The following CTNNA3 variants were observed in gnomAD, a reference collection of about 807,000 sequenced individuals.
CTNNA3 encodes the protein catenin alpha-3.
Under a neutral mutation model 95.7 loss-of-function variants are expected in CTNNA3, and 76 were observed. The ratio of observed to expected loss-of-function variants is 0.79; its 90% CI spans 0.66 to 0.96. The LOEUF (loss-of-function observed/expected upper bound fraction) is 0.96, where lower values mean the gene tolerates loss of function less well. CTNNA3 is among the 40% of genes least tolerant of loss of function. CTNNA3 has a pLI of 0.00. For synonymous variants in CTNNA3, 431 were observed against 374.4 expected (o/e 1.15, Z -1.74); for missense variants, 1,191 against 1,089.8 (o/e 1.09, Z -1.31).
intron 9 of CTNNA3, among the ~76,000 whole-genome samples, chr10:66,662,132 A>T (rs1164756055): frequency 6.6e-6 from 1 of 152,222 alleles, no homozygotes; most frequent in Non-Finnish European, 1.5e-5. Flanking sequence ...TAAAATTCAA[A>T]TCTAACAGAG....
chr10:67,324,023 G>A (rs1310348040), intron 5 of CTNNA3, among the ~76,000 whole-genome samples: 1 of 152,018 alleles, frequency 6.6e-6, no homozygotes, highest in Non-Finnish European at 1.5e-5. Flanking sequence ...CTTGATTGTT[G>A]TTGGTACATA....
At chr10:66,359,773 T>A (rs1426613609) in intron 12 of CTNNA3, among the ~76,000 whole-genome samples, 3 of 152,098 alleles carry the variant, frequency 2.0e-5, no homozygotes, top group Non-Finnish European at 4.4e-5. Context: ...TCAATGAAGG[T>A]TAAAGTGATC....
chr10:67,635,643 T>A (rs1357789311), intron 2 of CTNNA3, among the ~76,000 whole-genome samples: 1 of 152,018 alleles, frequency 6.6e-6, no homozygotes, highest in African/African-American at 2.4e-5. Flanking sequence ...AAACTCTCAA[T>A]AAACTAGGTA....
intron 5 of CTNNA3, among the ~76,000 whole-genome samples, chr10:67,250,993 A>T (rs1866086643): frequency 6.6e-6 from 1 of 152,228 alleles, no homozygotes; most frequent in South Asian, 2.1e-4. Context: ...TGAAATCAAG[A>T]GAAATGAAAA....
At chr10:67,749,127 T>G (rs759531751) in intron 1 of CTNNA3, among the ~76,000 whole-genome samples, 40 of 152,144 alleles carry the variant, frequency 2.6e-4, no homozygotes, top group Non-Finnish European at 5.1e-4. Flanking sequence ...ATGCACCCTA[T>G]TTATGCATAT....
intron 7 of CTNNA3, among the ~76,000 whole-genome samples, chr10:67,033,134 C>T (rs547960369): frequency 5.7e-4 from 86 of 152,110 alleles, no homozygotes; most frequent in African/African-American, 1.8e-3. Context: ...TGAAGGAAAC[C>T]GACTGATTTT....
At chr10:67,660,234 A>G (rs1840140108) in intron 1 of CTNNA3, among the ~76,000 whole-genome samples, 1 of 152,168 alleles carries the variant, frequency 6.6e-6, no homozygotes, top group South Asian at 2.1e-4. Context: ...ATACCTATTA[A>G]CCCTACTTAA....
chr10:66,050,068 G>T (rs1460414369), intron 15 of CTNNA3, among the ~76,000 whole-genome samples: 1 of 151,988 alleles, frequency 6.6e-6, no homozygotes, highest in Non-Finnish European at 1.5e-5. Context: ...TCAAAATAAA[G>T]ACTAATATCT....
intron 13 of CTNNA3, among the ~76,000 whole-genome samples, chr10:66,227,135 G>A (rs2089334270): frequency 6.6e-6 from 1 of 152,100 alleles, no homozygotes; most frequent in South Asian, 2.1e-4. Context: ...GAGTAGCTGG[G>A]ACTACACAAA....
At chr10:67,725,562 T>G (rs1184354102) in intron 1 of CTNNA3, among the ~76,000 whole-genome samples, 1 of 152,036 alleles carries the variant, frequency 6.6e-6, no homozygotes, top group Non-Finnish European at 1.5e-5. Flanking sequence ...TTATCATTTG[T>G]CACATATCAG....
intron 7 of CTNNA3, among the ~76,000 whole-genome samples, chr10:66,856,960 T>G (rs956885472): frequency 2.0e-5 from 3 of 152,158 alleles, no homozygotes; most frequent in Non-Finnish European, 4.4e-5. Context: ...TTTGGCATTT[T>G]TGTCATGAAA....
At chr10:67,622,372 G>A (rs1483983315) in intron 2 of CTNNA3, among the ~76,000 whole-genome samples, 1 of 152,180 alleles carries the variant, frequency 6.6e-6, no homozygotes, top group Admixed American at 6.5e-5. Flanking sequence ...AATTCATTGA[G>A]GAAAAGATGA....
chr10:66,338,806 T>C (rs2092423699), intron 12 of CTNNA3, among the ~76,000 whole-genome samples: 1 of 151,944 alleles, frequency 6.6e-6, no homozygotes, highest in African/African-American at 2.4e-5. Context: ...TTAATTTTTC[T>C]TTCCTTTGAC....
At chr10:67,150,075 C>T (rs944308661) in intron 7 of CTNNA3, among the ~76,000 whole-genome samples, 3 of 152,016 alleles carry the variant, frequency 2.0e-5, no homozygotes, top group Non-Finnish European at 2.9e-5. Context: ...TATAAAAGAT[C>T]GATTTACTTA....
At chr10:66,556,593 G>T (rs1455521823) in intron 10 of CTNNA3, among the ~76,000 whole-genome samples, 1 of 152,086 alleles carries the variant, frequency 6.6e-6, no homozygotes, top group Admixed American at 6.6e-5. Flanking sequence ...GAACTTGGAG[G>T]ACATTAAGCT....
At chr10:67,313,706 A>G (rs1840920205) in intron 5 of CTNNA3, among the ~76,000 whole-genome samples, 1 of 152,302 alleles carries the variant, frequency 6.6e-6, no homozygotes, top group Middle Eastern at 3.4e-3. Flanking sequence ...GAAAGTCTGA[A>G]CCAAGATAGT....
intron 12 of CTNNA3, among the ~76,000 whole-genome samples, chr10:66,343,524 A>T (rs573374324): frequency 2.0e-5 from 3 of 152,032 alleles, no homozygotes; most frequent in Non-Finnish European, 2.9e-5. Context: ...AGTTAAAAAA[A>T]AAAAGTTGAT....
intron 5 of CTNNA3, among the ~76,000 whole-genome samples, chr10:67,351,736 T>C (rs1842646856): frequency 1.3e-5 from 2 of 151,988 alleles, no homozygotes; most frequent in Admixed American, 1.3e-4. Flanking sequence ...CTTCCTGTTA[T>C]GTTAAATTTG....
chr10:66,312,137 T>G (rs1040271215), intron 12 of CTNNA3, among the ~76,000 whole-genome samples: 1 of 152,196 alleles, frequency 6.6e-6, no homozygotes, highest in Non-Finnish European at 1.5e-5. Flanking sequence ...GAAATAGATT[T>G]TTCTCATTTT....
Sources: allele counts gnomAD v4.1 joint callset (sites outside exome capture counted in the v4.1 genomes callset), GRCh38; gene constraint gnomAD v4.1.1; transcripts MANE v1.5; gene names NCBI Gene and HGNC (gene_info 2026-07-23, HGNC 2026-07-21).